Variants in IL1RAPL1 observed in about 807,000 individuals in gnomAD.
IL1RAPL1 encodes the protein interleukin-1 receptor accessory protein-like 1.
Under a neutral mutation model 48.4 loss-of-function variants are expected in IL1RAPL1, and 3 were observed. The ratio of observed to expected loss-of-function variants is 0.06; its 90% CI spans 0.03 to 0.16. The LOEUF (loss-of-function observed/expected upper bound fraction) is 0.16. Among genes scored for constraint, IL1RAPL1 ranks in the 10% least tolerant of loss-of-function variants. IL1RAPL1 has a pLI of 1.00. For synonymous variants in IL1RAPL1, 185 were observed against 187.7 expected, an observed-to-expected ratio of 0.99 and a Z score of 0.12; for missense variants, 349 against 530.6, an observed-to-expected ratio of 0.66 and a Z score of 3.36.
At chrX:28,944,583 G>A (rs948467280) in intron 2 of IL1RAPL1, among the ~76,000 whole-genome samples, 31 of 110,358 alleles carry the variant, frequency 2.8e-4, no homozygotes, top group African/African-American at 1.0e-3. Flanking sequence ...CTTGGATTTT[G>A]TTCTGTTCAC....
chrX:28,618,306 A>G (rs2146887084), intron 1 of IL1RAPL1, among the ~76,000 whole-genome samples: 1 of 112,520 alleles, frequency 8.9e-6, no homozygotes, highest in East Asian at 2.8e-4. Flanking sequence ...ACTGATACAC[A>G]ATAATTCTAA....
chrX:29,431,606 G>A (rs1001693003), intron 5 of IL1RAPL1, among the ~76,000 whole-genome samples: 6 of 111,626 alleles, frequency 5.4e-5, no homozygotes, highest in African/African-American at 9.7e-5. Context: ...TATGTCTAAA[G>A]CGTTAATAAT....
intron 2 of IL1RAPL1, among the ~76,000 whole-genome samples, chrX:29,281,385 G>C (rs1056595635): frequency 2.7e-5 from 3 of 111,375 alleles, no homozygotes. Context: ...CTGCCCTATG[G>C]GGACCTGTTG....
At chrX:28,638,434 C>T (rs1008876395) in intron 1 of IL1RAPL1, among the ~76,000 whole-genome samples, 2 of 110,587 alleles carry the variant, frequency 1.8e-5, no homozygotes, top group African/African-American at 6.6e-5. Context: ...AAATACCTAC[C>T]CTGTCTTATC....
chrX:29,368,719 A>G (rs932842546), intron 3 of IL1RAPL1, among the ~76,000 whole-genome samples: 1 of 107,264 alleles, frequency 9.3e-6, no homozygotes, highest in Non-Finnish European at 1.9e-5. Flanking sequence ...GTGAGCCAAC[A>G]TGCCCAGCCT....
intron 2 of IL1RAPL1, among the ~76,000 whole-genome samples, chrX:29,140,731 T>C (rs1159716877): frequency 8.9e-6 from 1 of 111,740 alleles, no homozygotes; most frequent in South Asian, 3.8e-4. Context: ...TCAGATTCAG[T>C]GTGTGGTGAG....
chrX:28,913,289 C>A (rs1923405320), intron 2 of IL1RAPL1, among the ~76,000 whole-genome samples: 1 of 111,758 alleles, frequency 8.9e-6, no homozygotes, highest in Non-Finnish European at 1.9e-5. Flanking sequence ...TCTGTCTATC[C>A]TTGTAAATTC....
At chrX:29,458,472 A>G (rs1389406019) in intron 5 of IL1RAPL1, among the ~76,000 whole-genome samples, 1 of 107,420 alleles carries the variant, frequency 9.3e-6, no homozygotes, top group Admixed American at 9.9e-5. Context: ...TGCCCAGTCA[A>G]GTTGCACACA....
chrX:29,415,188 C>T (rs1037825994), intron 5 of IL1RAPL1, among the ~76,000 whole-genome samples: 1 of 111,207 alleles, frequency 9.0e-6, no homozygotes, highest in Non-Finnish European at 1.9e-5. Flanking sequence ...TCCATGCAAA[C>T]TCGTTAAAAT....
chrX:29,430,033 G>A (rs1209045368), intron 5 of IL1RAPL1, among the ~76,000 whole-genome samples: 1 of 107,345 alleles, frequency 9.3e-6, no homozygotes, highest in African/African-American at 3.4e-5. Flanking sequence ...CCAAAGTGCT[G>A]GGATTATAGA....
chrX:29,954,665 C>T lies in IL1RAPL1; in HGVS notation c.1345C>T (p.Pro449Ser). The T allele has an allele frequency of 8.3e-7, 1 of 1,201,138 alleles. No homozygotes were observed. The highest frequency in any genetic ancestry group is 1.1e-6 in the Non-Finnish European group (1 of 885,834). Residue 449 changes from proline (P) to serine (S), a missense_variant, in exon 10 of 11, where the codon CCA (proline) becomes TCA (serine). Physicochemically the swap from Pro to Ser is moderately conservative, Grantham distance 74. This residue lies in a region of IL1RAPL1 where 238 missense variants were observed against 337.8 expected (regional missense o/e 0.70). Transcript: ENST00000378993. ...GCATTATGGATATAAGTTGTTTATA[C>T]CAGATAGAGATTTAATCCCAACTGG... Reference protein sequence around the residue: ...EKHYGYKLFIPDRDLIPTGTY... With the variant: ...EKHYGYKLFISDRDLIPTGTY...
At chrX:29,638,029 G>A (rs1925029372) in intron 5 of IL1RAPL1, among the ~76,000 whole-genome samples, 1 of 111,698 alleles carries the variant, frequency 9.0e-6, no homozygotes, top group South Asian at 3.7e-4. Context: ...TAATATACAT[G>A]GTCCTAGCAT....
chrX:29,283,570 T>C (rs941955757), intron 3 of IL1RAPL1, among the ~76,000 whole-genome samples: 13 of 112,539 alleles, frequency 1.2e-4, no homozygotes, highest in Non-Finnish European at 1.9e-4. Flanking sequence ...TGTAACATTT[T>C]GCTATTGCCC....
At chrX:28,733,966 A>C (rs771264696) in intron 1 of IL1RAPL1, among the ~76,000 whole-genome samples, 1 of 111,481 alleles carries the variant, frequency 9.0e-6, no homozygotes, top group Admixed American at 9.6e-5. Context: ...CAGTTGCTAT[A>C]GTTCCCTGTG....
intron 1 of IL1RAPL1, among the ~76,000 whole-genome samples, chrX:28,722,370 G>A (rs1371801726): frequency 4.5e-5 from 5 of 111,467 alleles, no homozygotes; most frequent in African/African-American, 1.6e-4. Flanking sequence ...GTGAATGGGA[G>A]TTCACTCATG....
chrX:28,599,027 G>A (rs1276890768), intron 1 of IL1RAPL1, among the ~76,000 whole-genome samples: 2 of 109,850 alleles, frequency 1.8e-5, no homozygotes, highest in African/African-American at 6.6e-5. Context: ...AACAGCCTGA[G>A]TTCAGCAGTT....
At chrX:28,939,650 T>C (rs769768976) in intron 2 of IL1RAPL1, among the ~76,000 whole-genome samples, 3 of 110,980 alleles carry the variant, frequency 2.7e-5, no homozygotes, top group Non-Finnish European at 5.7e-5. Context: ...ACCTATATAA[T>C]AAACTCCACA....
At chrX:29,543,057 C>T (rs1921492183) in intron 5 of IL1RAPL1, among the ~76,000 whole-genome samples, 1 of 110,554 alleles carries the variant, frequency 9.0e-6, no homozygotes, top group African/African-American at 3.3e-5. Flanking sequence ...TTTCATACAG[C>T]TGTGTCAGCT....
chrX:28,621,184 G>T (rs1051344608), intron 1 of IL1RAPL1, among the ~76,000 whole-genome samples: 5 of 112,034 alleles, frequency 4.5e-5, no homozygotes, highest in African/African-American at 1.6e-4. Context: ...CTTCCATCAA[G>T]AATCAAAGTT....
Sources: allele counts gnomAD v4.1 joint callset (sites outside exome capture counted in the v4.1 genomes callset), GRCh38; gene constraint gnomAD v4.1.1; regional missense constraint gnomAD v4.1.1; transcripts MANE v1.5; gene names NCBI Gene and HGNC (gene_info 2026-07-23, HGNC 2026-07-21).